Variants in TMOD2 observed in about 807,000 individuals in gnomAD.
The protein encoded by TMOD2 is tropomodulin 2, also known as tropomodulin-2.
A neutral mutation model predicts 39.9 loss-of-function variants in TMOD2; 22 were observed. That is an observed-to-expected ratio of 0.55 (90% CI 0.39 to 0.79). TMOD2 has a LOEUF of 0.79. Ranked by LOEUF, TMOD2 falls within the 30% of genes least tolerant of loss-of-function variation. The pLI, the probability that TMOD2 is intolerant of heterozygous loss-of-function variation, is 0.00. For synonymous variants in TMOD2, 123 were observed against 146.1 expected (o/e 0.84, Z 1.14); for missense variants, 386 against 413.3 (o/e 0.93, Z 0.57).
intron 3 of TMOD2, 145 bp from the exon 4 acceptor site, chr15:51,773,567 C>A: frequency 1.5e-6 from 1 of 687,442 alleles, no homozygotes; most frequent in Non-Finnish European, 2.3e-6. Context: ...TTGGTACCAT[C>A]CTGGCAATCC....
Position 51,781,172 on chromosome 15 carries a change from A to G in TMOD2, c.622A>G (p.Lys208Glu), listed in dbSNP as rs2055927277. The G allele has an allele frequency of 6.3e-7, 1 of 1,599,284 alleles. No individual in the cohort carries two copies. The highest frequency in any genetic ancestry group is 8.5e-7 in the Non-Finnish European group (1 of 1,176,106). ...GCAAGAAGTCAACCTCAACAACATT[A>G]AGGTATTTCATTGTGATTATCATCA... is the stretch of plus-strand genomic sequence containing the variant. ...SLQEVNLNNI[K>E]NIPIPTLREF... Residue 208 changes from lysine to glutamate, a missense_variant and splice_region_variant, in exon 6 of 10, where the codon AAG becomes GAG. Coordinates refer to ENST00000249700, the MANE Select transcript of TMOD2 (RefSeq NM_014548.4).
rs2056173198 is a variant in TMOD2, at chr15:51,813,938, A to G, written c.*5484A>G. Reference sequence around the variant, plus strand: ...CCATTACATCTTTCTCATCTTTTGGAGTATGGGTAATTGAGGCTTGGGTGT... The same window carrying G: ...CCATTACATCTTTCTCATCTTTTGGGGTATGGGTAATTGAGGCTTGGGTGT... On this transcript the variant is annotated 3_prime_UTR_variant, in exon 10 of 10. Coordinates refer to ENST00000249700, the MANE Select transcript of TMOD2 (RefSeq NM_014548.4). 1 of 151,932 alleles carries G rather than the reference A, an allele frequency of 6.6e-6. No individual in the cohort carries two copies. Among genetic ancestry groups the G allele is most frequent in the Non-Finnish European group, 1.5e-5 (1 of 68,004 alleles). 9.4% of individuals were successfully genotyped at this position (151,932 alleles called of 1,614,324 possible).
At chr15:51,799,829 T>G (rs1217460540) in intron 8 of TMOD2, among the ~76,000 whole-genome samples, 2 of 152,150 alleles carry the variant, frequency 1.3e-5, no homozygotes, top group Non-Finnish European at 2.9e-5. Context: ...AGAAGCTAAG[T>G]GGGCACTTAG....
In TMOD2 at chr15:51,768,598, C is replaced by T. The variant is rs1037205887; in HGVS notation, c.283+180C>T. On this transcript the variant is annotated intron_variant, in intron 3 of 9. Transcript: ENST00000249700. ...TTGGATTCAGTATTTATTTTATTGT[C>T]GTGGAGGGTCAAGCAAGGGAACTGT... Among the ~76,000 whole-genome samples, 20 of 151,436 alleles carry T rather than the reference C, an allele frequency of 1.3e-4. 1 individual carries two copies. In the East Asian group the frequency reaches 2.9e-3, roughly 22 times the overall value.
intron 3 of TMOD2, among the ~76,000 whole-genome samples, chr15:51,772,529 A>G (rs1023385011): frequency 6.6e-6 from 1 of 152,174 alleles, no homozygotes; most frequent in Non-Finnish European, 1.5e-5. Flanking sequence ...GTTAGGGAAT[A>G]GATATCAGCA....
In TMOD2 at chr15:51,765,063, T is replaced by C. The variant is rs140188417; in HGVS notation, c.-69-1310T>C. ...TGTCACCCAGGCTGGAGTGCAGTGATGCCATCTCAGCACTGCAACCTCTGC... is the reference window on the plus strand; with the variant it reads ...TGTCACCCAGGCTGGAGTGCAGTGACGCCATCTCAGCACTGCAACCTCTGC... On this transcript the variant is annotated intron_variant, in intron 1 of 9. Coordinates refer to ENST00000249700, the MANE Select transcript of TMOD2 (RefSeq NM_014548.4). Among the ~76,000 whole-genome samples the C allele has an allele frequency of 3.3e-3, 509 of 152,208 alleles. 6 individuals carry two copies. In the East Asian group the frequency reaches 0.046, roughly 14 times the overall value.
At chr15:51,761,580 T>A (rs963709986) in intron 1 of TMOD2, among the ~76,000 whole-genome samples, 5 of 140,424 alleles carry the variant, frequency 3.6e-5, no homozygotes, top group Non-Finnish European at 6.2e-5. Flanking sequence ...GAAAAAAAAA[T>A]TTAATTAGCT....
At position 51,816,276 on chromosome 15, in the gene TMOD2, T is replaced by C. The variant is rs1208849682; in HGVS notation, c.*7822T>C. On this transcript the variant is annotated 3_prime_UTR_variant, in exon 10 of 10. Transcript: ENST00000249700. ...TAAGATCTTTCTGCTTTCGAAGGTA[T>C]AATGTATCTATTTCTGTCAGGAATG... The C allele has an allele frequency of 6.6e-6, 1 of 152,236 alleles. No individual in the cohort carries two copies. Among genetic ancestry groups the C allele is most frequent in the Non-Finnish European group, 1.5e-5 (1 of 68,034 alleles). The allele number at this position is 152,236 out of a possible 1,614,324, so 9.4% of individuals were successfully genotyped here.
At chr15:51,790,174 A>G (rs757149941) in intron 7 of TMOD2, among the ~76,000 whole-genome samples, 1 of 152,260 alleles carries the variant, frequency 6.6e-6, no homozygotes. Context: ...TAAAGGGGAT[A>G]TCACCACTGA....
At chr15:51,775,808 C>T (rs2055885260) in intron 4 of TMOD2, among the ~76,000 whole-genome samples, 1 of 152,026 alleles carries the variant, frequency 6.6e-6, no homozygotes, top group Non-Finnish European at 1.5e-5. Flanking sequence ...GATTTCTTGA[C>T]CTCGTGATCC....
chr15:51,797,250 C>T (rs969688822), intron 7 of TMOD2, among the ~76,000 whole-genome samples: 1 of 152,214 alleles, frequency 6.6e-6, no homozygotes, highest in East Asian at 1.9e-4. Flanking sequence ...CGCACTGCTT[C>T]TGTCACAGGT....
chr15:51,752,471 C>T (rs2055712458), intron 1 of TMOD2: 1 of 152,222 alleles, frequency 6.6e-6, no homozygotes, highest in African/African-American at 2.4e-5. Context: ...CTTACTGCAG[C>T]TTCGTCTGTG....
chr15:51,766,097 G>A (rs1225743543), intron 1 of TMOD2, among the ~76,000 whole-genome samples: 1 of 152,200 alleles, frequency 6.6e-6, no homozygotes, highest in African/African-American at 2.4e-5. Flanking sequence ...AAGGCACTAG[G>A]CCACTTTCAC....
At chr15:51,788,388 T>G (rs1459777237) in intron 7 of TMOD2, among the ~76,000 whole-genome samples, 1 of 152,164 alleles carries the variant, frequency 6.6e-6, no homozygotes, top group East Asian at 1.9e-4. Flanking sequence ...AGACCAAATC[T>G]ACGTTTGATT....
In TMOD2 at chr15:51,782,757, G is replaced by T; in HGVS notation, c.661G>T (p.Ala221Ser). The T allele has an allele frequency of 6.2e-7, 1 of 1,614,024 alleles. No homozygotes were observed. The highest frequency in any genetic ancestry group is 8.5e-7 in the Non-Finnish European group (1 of 1,179,898). The change falls in exon 7 of 10, where the codon GCT becomes TCT. Residue 221 changes from alanine to serine, a missense_variant. Physicochemically the swap from Ala to Ser is moderately conservative, Grantham distance 99 (BLOSUM62 1). Transcript: ENST00000249700. ...TCCAACCCTGAGGGAATTTGCAAAG[G>T]CTCTGGAGACCAACACTCACGTGAA... ...PIPTLREFAK[A>S]LETNTHVKKF...
chr15:51,789,722 A>T (rs1475436168), intron 7 of TMOD2, among the ~76,000 whole-genome samples: 3 of 152,218 alleles, frequency 2.0e-5, no homozygotes, highest in Non-Finnish European at 4.4e-5. Context: ...AAACTGCACA[A>T]CTACGTGGAA....
chr15:51,752,883 A>AT (rs2055716501), intron 1 of TMOD2: 2 of 152,206 alleles, frequency 1.3e-5, no homozygotes, highest in Non-Finnish European at 2.9e-5. Context: ...ACGCATTGCA[A>AT]TCATTTTAAT....
chr15:51,755,240 G>A lies in TMOD2; in HGVS notation c.-70+3528G>A, dbSNP rs116540136. Among the ~76,000 whole-genome samples the A allele has an allele frequency of 8.1e-3, 1,231 of 152,318 alleles. 13 individuals are homozygous for A. The highest frequency in any genetic ancestry group is 0.028 in the African/African-American group (1,157 of 41,560). ...TTCTGCTATGGCTCTTCCATGGACT[G>A]AAATAGCCACCTTTCCTCCCAAAGC... On this transcript the variant is annotated intron_variant, in intron 1 of 9. Coordinates refer to ENST00000249700, the MANE Select transcript of TMOD2 (RefSeq NM_014548.4).
rs145435018 is a variant in TMOD2, at chr15:51,758,079, C to CTAATAA, written c.-70+6389_-70+6394dup. On this transcript the variant is annotated intron_variant, in intron 1 of 9. Transcript: ENST00000249700. ...TGGGGAACAGAGTGAGACCCTATTTCTAATAATAATAATAATAATAATAAT... is the reference window on the plus strand; with the variant it reads ...TGGGGAACAGAGTGAGACCCTATTTCTAATAATAATAATAATAATAATAATAATAAT... Among the ~76,000 whole-genome samples the CTAATAA allele has an allele frequency of 6.9e-3, 1,036 of 149,730 alleles. 14 individuals carry two copies. The highest frequency in any genetic ancestry group is 0.024 in the African/African-American group (959 of 40,692).
Sources: allele counts gnomAD v4.1 joint callset (sites outside exome capture counted in the v4.1 genomes callset), GRCh38; gene constraint gnomAD v4.1.1; transcripts MANE v1.5; gene names NCBI Gene and HGNC (gene_info 2026-07-23, HGNC 2026-07-21).